Variants in TC2N observed in about 807,000 individuals in gnomAD.
TC2N encodes the protein tandem C2 domains nuclear protein.
TC2N carries 51 observed loss-of-function variants against 61.9 expected under a neutral mutation model. The ratio of observed to expected loss-of-function variants is 0.82; its 90% CI spans 0.66 to 1.04. The LOEUF is 1.04. Among genes scored for constraint, TC2N ranks in the 50% least tolerant of loss-of-function variants. TC2N has a pLI of 0.00. For missense variants in TC2N, 556 were observed against 566.7 expected (o/e 0.98, Z 0.19); for synonymous variants, 204 against 192.6 (o/e 1.06, Z -0.49).
At chr14:91,832,014 C>T (rs1314418434) in intron 1 of TC2N, among the ~76,000 whole-genome samples, 2 of 152,162 alleles carry the variant, frequency 1.3e-5, no homozygotes, top group African/African-American at 2.4e-5. Flanking sequence ...AGGCTGCTCA[C>T]TTGGAGAAAA....
chr14:91,796,359 C>T (rs1303064117), intron 8 of TC2N, among the ~76,000 whole-genome samples: 1 of 151,804 alleles, frequency 6.6e-6, no homozygotes, highest in African/African-American at 2.4e-5. Context: ...AATGTTTTTC[C>T]AGCTCCTTAA....
Position 91,800,328 on chromosome 14 carries a change from T to A in TC2N, c.514A>T (p.Ser172Cys), listed in dbSNP as rs1212960267. Residue 172 changes from serine (S) to cysteine (C), a missense_variant, in exon 5 of 12, where the codon AGC becomes TGC. Ser to Cys is a moderately radical substitution (Grantham distance 112, BLOSUM62 -1). Coordinates refer to ENST00000435962, the MANE Select transcript of TC2N (RefSeq NM_001128596.3). ...TNKLPGSPGL[S>C]KSMFDLTNSS... ...TTTGTAAGATCAAACATAGATTTGC[T>A]TAGCCCAGGGGAACCGGGAAGTTTG... 6.2e-7 allele frequency: 1 copy of A among 1,605,738 alleles called. No homozygotes were observed. Among genetic ancestry groups the A allele is most frequent in the South Asian group, 1.1e-5 (1 of 89,852 alleles).
chr14:91,809,064 C>T (rs557486133), intron 3 of TC2N, among the ~76,000 whole-genome samples: 51 of 152,180 alleles, frequency 3.4e-4, no homozygotes, highest in African/African-American at 8.2e-4. Flanking sequence ...TATTGATATG[C>T]GCAAAGTAAG....
chr14:91,798,942 G>C (rs1241803740), intron 6 of TC2N, 47 bp downstream of exon 6: 1 of 1,269,126 alleles, frequency 7.9e-7, no homozygotes, highest in Non-Finnish European at 1.1e-6. Flanking sequence ...CTACTGAGTA[G>C]AAATAATTAT....
chr14:91,812,834 G>GTATA (rs1272162214), intron 2 of TC2N, among the ~76,000 whole-genome samples: 1 of 151,782 alleles, frequency 6.6e-6, no homozygotes, highest in African/African-American at 2.4e-5. Flanking sequence ...ATTTTATTTT[G>GTATA]TAGTCAGTTA....
chr14:91,832,199 G>C (rs1024726971), intron 1 of TC2N, among the ~76,000 whole-genome samples: 4 of 151,980 alleles, frequency 2.6e-5, no homozygotes, highest in Non-Finnish European at 5.9e-5. Flanking sequence ...GACCAGCCTG[G>C]CCAACATGGT....
At position 91,819,707 on chromosome 14, in the gene TC2N, G is replaced by A. The variant is rs182858891; in HGVS notation, c.-56-5882C>T. Among the ~76,000 whole-genome samples, 4 of 152,192 alleles carry A rather than the reference G, an allele frequency of 2.6e-5. No individual in the cohort carries two copies. In the East Asian group the frequency reaches 7.7e-4, roughly 29 times the overall value. The stretch of plus-strand genomic sequence containing the variant: ...AGCTTAGACAAAAAAATTATACTGA[G>A]ACAAAAGGTTTGTAACATATGTAAA... On this transcript the variant is annotated intron_variant, in intron 1 of 11. Transcript: ENST00000435962.
At chr14:91,848,133 AG>A (rs1396078359) in intron 1 of TC2N, among the ~76,000 whole-genome samples, 2 of 152,252 alleles carry the variant, frequency 1.3e-5, no homozygotes, top group Non-Finnish European at 2.9e-5. Flanking sequence ...ATACTGGCAA[AG>A]AGGATAAGAT....
intron 1 of TC2N, among the ~76,000 whole-genome samples, chr14:91,847,119 G>C (rs1190397735): frequency 5.3e-5 from 8 of 152,102 alleles, no homozygotes; most frequent in Non-Finnish European, 1.0e-4. Flanking sequence ...TTAGCCAGGC[G>C]TTGTGGTGGG....
At chr14:91,859,415 G>A (rs1029423006) in intron 1 of TC2N, among the ~76,000 whole-genome samples, 6 of 151,942 alleles carry the variant, frequency 3.9e-5, no homozygotes, top group African/African-American at 9.7e-5. Context: ...CTAAGCCTCC[G>A]TACCCGATCA....
At chr14:91,860,989 G>C (rs1196502386) in intron 1 of TC2N, among the ~76,000 whole-genome samples, 3 of 152,208 alleles carry the variant, frequency 2.0e-5, no homozygotes, top group African/African-American at 7.2e-5. Flanking sequence ...AGAAACTTCA[G>C]TTTTTCCCAG....
chr14:91,799,394 A>G (rs977505488), intron 5 of TC2N, among the ~76,000 whole-genome samples: 3 of 152,104 alleles, frequency 2.0e-5, no homozygotes, highest in Admixed American at 1.3e-4. Context: ...ATAGCCTGCT[A>G]TGGAAAAACT....
intron 1 of TC2N, among the ~76,000 whole-genome samples, chr14:91,824,116 G>T (rs1887386335): frequency 6.6e-6 from 1 of 152,138 alleles, no homozygotes; most frequent in Non-Finnish European, 1.5e-5. Context: ...GGGACATTTA[G>T]CTAGAACATT....
At chr14:91,806,757 T>C (rs909305783) in intron 3 of TC2N, among the ~76,000 whole-genome samples, 9 of 152,112 alleles carry the variant, frequency 5.9e-5, no homozygotes, top group African/African-American at 1.9e-4. Context: ...AAAAACACAT[T>C]TTCTGAGGAG....
chr14:91,837,728 A>C lies in TC2N; in HGVS notation c.-56-23903T>G, dbSNP rs1396274118. Among the ~76,000 whole-genome samples the C allele has an allele frequency of 6.6e-6, 1 of 152,238 alleles. No homozygotes were observed. The highest frequency in any genetic ancestry group is 1.5e-5 in the Non-Finnish European group (1 of 68,032). On this transcript the variant is annotated intron_variant, in intron 1 of 11. Transcript: ENST00000435962. The surrounding 1 kb of genome is among the most constrained non-coding windows in gnomAD (Gnocchi z 4.2). ...TTGTTTTCCTTGAGATTCACAATGC[A>C]TACTAGCATTTTACAGGCATAAGAA...
intron 1 of TC2N, among the ~76,000 whole-genome samples, chr14:91,861,176 A>G (rs1369726165): frequency 6.6e-6 from 1 of 152,236 alleles, no homozygotes; most frequent in Non-Finnish European, 1.5e-5. Context: ...TGATTCTAGG[A>G]TGGAGAGACT....
intron 1 of TC2N, among the ~76,000 whole-genome samples, chr14:91,859,257 T>C (rs1888544297): frequency 2.0e-5 from 3 of 152,198 alleles, no homozygotes. Context: ...AATTAATATC[T>C]ATGCATTTAA....
At chr14:91,831,999 AAGAC>A (rs1180511900) in intron 1 of TC2N, among the ~76,000 whole-genome samples, 3 of 152,216 alleles carry the variant, frequency 2.0e-5, no homozygotes, top group East Asian at 1.9e-4. Context: ...AAGAAAGTAA[AAGAC>A]AGGCTGCTCA....
intron 1 of TC2N, among the ~76,000 whole-genome samples, chr14:91,852,457 G>T (rs754305754): frequency 6.6e-6 from 1 of 152,040 alleles, no homozygotes; most frequent in Non-Finnish European, 1.5e-5. Flanking sequence ...TGCCTCACTA[G>T]CCTTAACTTT....
Sources: gnomAD v4.1 joint callset for allele counts (sites outside exome capture counted in the v4.1 genomes callset) on GRCh38, gnomAD v4.1.1 for gene constraint, Gnocchi (gnomAD v3.1) non-coding constraint, MANE v1.5 for transcripts, NCBI Gene and HGNC (gene_info 2026-07-23, HGNC 2026-07-21) for gene names.